The following FERMT2 variants were observed in gnomAD, a reference collection of about 807,000 sequenced individuals.
FERMT2 encodes fermitin family homolog 2.
FERMT2 carries 15 observed loss-of-function variants against 82.7 expected under a neutral mutation model. The observed-to-expected ratio is 0.18, with a 90% CI of 0.12 to 0.28. The LOEUF (loss-of-function observed/expected upper bound fraction) is 0.28. Ranked by LOEUF, FERMT2 falls within the 10% of genes least tolerant of loss-of-function variation. The probability of loss-of-function intolerance (pLI) is 1.00; values close to 1 mark genes in which losing one functional copy is unlikely to be tolerated. For missense variants in FERMT2, 645 were observed against 809.4 expected, an observed-to-expected ratio of 0.80 and a Z score of 2.46; for synonymous variants, 274 against 271.5, an observed-to-expected ratio of 1.01 and a Z score of -0.09.
intron 3 of FERMT2, among the ~76,000 whole-genome samples, chr14:52,917,349 T>C (rs1012704608): frequency 3.9e-5 from 6 of 152,028 alleles, no homozygotes; most frequent in African/African-American, 1.5e-4. Flanking sequence ...CTTATGATAG[T>C]AGTTGCTTTG....
At chr14:52,891,332 T>C (rs1187713309) in intron 4 of FERMT2, among the ~76,000 whole-genome samples, 1 of 152,214 alleles carries the variant, frequency 6.6e-6, no homozygotes. Context: ...CACTATCTTC[T>C]ATAAAAGTCA....
intron 2 of FERMT2, among the ~76,000 whole-genome samples, chr14:52,945,605 T>G (rs934584682): frequency 5.3e-5 from 8 of 152,100 alleles, no homozygotes; most frequent in Non-Finnish European, 1.0e-4. Flanking sequence ...TAGTTACTCC[T>G]GAGTCTTCCA....
At chr14:52,904,904 T>C (rs1887908234) in intron 3 of FERMT2, among the ~76,000 whole-genome samples, 1 of 151,910 alleles carries the variant, frequency 6.6e-6, no homozygotes, top group African/African-American at 2.4e-5. Flanking sequence ...AAGAAAGGGT[T>C]GAGGCCAGGT....
intron 2 of FERMT2, among the ~76,000 whole-genome samples, chr14:52,927,666 G>A (rs1455696003): frequency 6.7e-6 from 1 of 149,484 alleles, no homozygotes; most frequent in African/African-American, 2.5e-5. Context: ...GCTACCTGGA[G>A]GCTGAGGTGG....
chr14:52,932,861 A>C (rs1889652177), intron 2 of FERMT2, among the ~76,000 whole-genome samples: 1 of 152,212 alleles, frequency 6.6e-6, no homozygotes, highest in Non-Finnish European at 1.5e-5. Context: ...GCAATCTACA[A>C]CACTATCATC....
At chr14:52,880,176 GA>G (rs1231791894) in intron 6 of FERMT2, among the ~76,000 whole-genome samples, 1 of 152,096 alleles carries the variant, frequency 6.6e-6, no homozygotes, top group Non-Finnish European at 1.5e-5. Flanking sequence ...AGAATGGCTT[GA>G]GTCCAGGACT....
At chr14:52,869,031 A>G (rs887234227) in intron 10 of FERMT2, among the ~76,000 whole-genome samples, 2 of 152,156 alleles carry the variant, frequency 1.3e-5, no homozygotes, top group African/African-American at 2.4e-5. Flanking sequence ...TTATACAGGA[A>G]GAAGGTTAAG....
intron 2 of FERMT2, among the ~76,000 whole-genome samples, chr14:52,923,211 G>A (rs1357656953): frequency 6.6e-6 from 1 of 150,802 alleles, no homozygotes; most frequent in Non-Finnish European, 1.5e-5. Context: ...GGGTTGGGGG[G>A]GGAATCCAAA....
At chr14:52,946,599 G>A (rs916356883) in intron 2 of FERMT2, among the ~76,000 whole-genome samples, 1 of 152,154 alleles carries the variant, frequency 6.6e-6, no homozygotes, top group Admixed American at 6.5e-5. Flanking sequence ...GATGCAAAGA[G>A]CCATGAACAC....
At chr14:52,950,634 TC>T (rs1890587743) in intron 1 of FERMT2, 57 bp from the exon 2 acceptor site, 1 of 1,553,200 alleles carries the variant, frequency 6.4e-7, no homozygotes, top group Admixed American at 1.7e-5. Flanking sequence ...GAAAGGCGAA[TC>T]CCACCGAATT....
At chr14:52,942,728 A>C (rs1162276282) in intron 2 of FERMT2, among the ~76,000 whole-genome samples, 1 of 152,206 alleles carries the variant, frequency 6.6e-6, no homozygotes, top group Non-Finnish European at 1.5e-5. Flanking sequence ...AGATCTTCTG[A>C]CACACTAGGC....
intron 4 of FERMT2, among the ~76,000 whole-genome samples, chr14:52,892,343 C>T (rs543789292): frequency 2.6e-5 from 4 of 151,750 alleles, no homozygotes; most frequent in East Asian, 1.9e-4. Context: ...GGTTTCACCA[C>T]GTTGGCCAGG....
In FERMT2 at chr14:52,872,841, C is replaced by T. The variant is rs1324268556; in HGVS notation, c.1231G>A (p.Glu411Lys). 2 of 1,613,892 alleles carry T rather than the reference C, an allele frequency of 1.2e-6. No homozygotes were observed. Among genetic ancestry groups the T allele is most frequent in the African/African-American group, 2.7e-5 (2 of 75,040 alleles). ...TGAGCTGGTGTGCCACTGGATTCTTCTTTGCTCTTATAACAAGAAATGGAT... is the reference window on the plus strand; with the variant it reads ...TGAGCTGGTGTGCCACTGGATTCTTTTTTGCTCTTATAACAAGAAATGGAT... ...DTSISCYKSK[E>K]ESSGTPAHQM... The change falls in exon 10 of 15, where the codon GAA (glutamate) becomes AAA (lysine). Residue 411 changes from glutamate to lysine, a missense_variant. Coordinates refer to ENST00000341590, the MANE Select transcript of FERMT2 (RefSeq NM_006832.3).
intron 3 of FERMT2, among the ~76,000 whole-genome samples, chr14:52,915,918 AT>A (rs1888589354): frequency 6.6e-6 from 1 of 152,262 alleles, no homozygotes; most frequent in Admixed American, 6.5e-5. Context: ...GAACAGACAT[AT>A]GTCCACTTGA....
chr14:52,936,536 C>T (rs779184036), intron 2 of FERMT2, among the ~76,000 whole-genome samples: 4 of 152,132 alleles, frequency 2.6e-5, no homozygotes, highest in Admixed American at 6.6e-5. Context: ...TTGAGCCTCA[C>T]GTCAAGCCAC....
At position 52,872,926 on chromosome 14, in the gene FERMT2, A is replaced by G. The variant is rs201338716; in HGVS notation, c.1149-3T>C. 249 of 1,613,124 alleles carry G rather than the reference A, an allele frequency of 1.5e-4. No homozygotes were observed. Among genetic ancestry groups the G allele is most frequent in the Admixed American group, 1.5e-4 (9 of 59,926 alleles). ...CTTTCAGAGTCAGCTTTTTTGGCCT[A>G]TGTATCAAAGAGAATTAACAACAAA... On this transcript the variant is annotated splice_polypyrimidine_tract_variant and splice_region_variant and intron_variant, in intron 9 of 14. Transcript: ENST00000341590.
chr14:52,940,987 G>C (rs2139698172), intron 2 of FERMT2, among the ~76,000 whole-genome samples: 1 of 152,238 alleles, frequency 6.6e-6, no homozygotes, highest in East Asian at 1.9e-4. Context: ...CACCTAGGTA[G>C]TTACCCCAGA....
At chr14:52,903,965 T>G (rs577120701) in intron 3 of FERMT2, among the ~76,000 whole-genome samples, 11 of 152,326 alleles carry the variant, frequency 7.2e-5, no homozygotes, top group African/African-American at 2.4e-4. Flanking sequence ...ATGTATTTGA[T>G]CATGTTGAAA....
intron 3 of FERMT2, among the ~76,000 whole-genome samples, chr14:52,918,148 G>A (rs1566749655): frequency 6.6e-6 from 1 of 152,162 alleles, no homozygotes; most frequent in Non-Finnish European, 1.5e-5. Context: ...TAGCCAAAAA[G>A]GCCAAGAAGT....
Sources: allele counts gnomAD v4.1 joint callset (sites outside exome capture counted in the v4.1 genomes callset), GRCh38; gene constraint gnomAD v4.1.1; transcripts MANE v1.5; gene names NCBI Gene and HGNC (gene_info 2026-07-23, HGNC 2026-07-21).